KANSL1L: variants seen among roughly 807,000 people sequenced by gnomAD.
KANSL1L encodes the protein KAT8 regulatory NSL complex subunit 1-like protein.
In KANSL1L, 25 loss-of-function variants were observed where a neutral mutation model predicts 108.6. The observed-to-expected ratio is 0.23, with a 90% CI of 0.17 to 0.32. KANSL1L has a LOEUF of 0.32. Among genes scored for constraint, KANSL1L ranks in the 10% least tolerant of loss-of-function variants. The pLI, the probability that KANSL1L is intolerant of heterozygous loss-of-function variation, is 1.00. For missense variants in KANSL1L, 1,137 were observed against 1,125.7 expected, an observed-to-expected ratio of 1.01 and a Z score of -0.14; for synonymous variants, 405 against 395.1, an observed-to-expected ratio of 1.03 and a Z score of -0.30.
chr2:210,079,658 ATATATATGTATG>A (rs1473714445), intron 5 of KANSL1L: 3 of 13,482 alleles, frequency 2.2e-4, no homozygotes, highest in African/African-American at 3.4e-4. Flanking sequence ...ATATATATAT[ATATATATGTATG>A]TGTGTATATA....
chr2:210,106,741 C>G (rs557364345), intron 3 of KANSL1L, among the ~76,000 whole-genome samples: 3 of 150,284 alleles, frequency 2.0e-5, no homozygotes, highest in Non-Finnish European at 4.4e-5. Flanking sequence ...TGCACTCCAG[C>G]CTGGGTGACA....
intron 14 of KANSL1L, 30 bp downstream of exon 14, chr2:210,024,003 G>C: frequency 7.0e-7 from 1 of 1,437,940 alleles, no homozygotes; most frequent in East Asian, 2.5e-5. Context: ...GTCAAGGAAT[G>C]GGAAGTTTAA....
At chr2:210,082,823 AG>A (rs1183259029) in intron 5 of KANSL1L, among the ~76,000 whole-genome samples, 1 of 152,230 alleles carries the variant, frequency 6.6e-6, no homozygotes, top group African/African-American at 2.4e-5. Flanking sequence ...GAAGAAAATT[AG>A]AATGTGCATT....
At chr2:210,079,644 A>ATATATATATGTG (rs1559539636) in intron 5 of KANSL1L, among the ~76,000 whole-genome samples, 1 of 8,976 alleles carries the variant, frequency 1.1e-4, no homozygotes, top group Non-Finnish European at 3.3e-4. Flanking sequence ...ATATATATAT[A>ATATATATATGTG]TATATATATA....
intron 6 of KANSL1L, among the ~76,000 whole-genome samples, chr2:210,054,738 A>C (rs1199253889): frequency 3.3e-5 from 5 of 152,008 alleles, no homozygotes; most frequent in Non-Finnish European, 7.4e-5. Context: ...AGAAAAAGAA[A>C]TAAAAAGGGA....
At chr2:210,102,576 G>T (rs1218030701) in intron 4 of KANSL1L, among the ~76,000 whole-genome samples, 1 of 152,042 alleles carries the variant, frequency 6.6e-6, no homozygotes, top group African/African-American at 2.4e-5. Context: ...ATCTGACAAA[G>T]GGCTAATATC....
intron 1 of KANSL1L, chr2:210,170,360 CA>C: frequency 7.1e-6 from 7 of 985,338 alleles, no homozygotes; most frequent in Non-Finnish European, 8.4e-6. Context: ...AAAAAACAAA[CA>C]AAAACGGACT....
At chr2:210,035,258 C>G (rs1242086990) in intron 8 of KANSL1L, 1 of 152,106 alleles carries the variant, frequency 6.6e-6, no homozygotes, top group African/African-American at 2.4e-5. Context: ...AGTATAAACC[C>G]TTAAATTGGT....
chr2:210,097,408 T>C, intron 5 of KANSL1L: 2 of 685,566 alleles, frequency 2.9e-6, no homozygotes, highest in Non-Finnish European at 3.6e-6. Flanking sequence ...AACATTCCAA[T>C]TTTATCTGAA....
At chr2:210,030,261 C>T (rs2093996676) in intron 9 of KANSL1L, among the ~76,000 whole-genome samples, 1 of 151,928 alleles carries the variant, frequency 6.6e-6, no homozygotes, top group South Asian at 2.1e-4. Context: ...TCTCATTTTT[C>T]ATATCTGACT....
At chr2:210,140,261 CA>C (rs1340761512) in intron 2 of KANSL1L, among the ~76,000 whole-genome samples, 8 of 152,148 alleles carry the variant, frequency 5.3e-5, no homozygotes, top group African/African-American at 1.4e-4. Flanking sequence ...TTGCCAACAT[CA>C]ATGTCGAGAA....
chr2:210,149,053 G>A (rs1277489451), intron 2 of KANSL1L, among the ~76,000 whole-genome samples: 1 of 151,836 alleles, frequency 6.6e-6, no homozygotes, highest in African/African-American at 2.4e-5. Context: ...TGGGGGGAGG[G>A]GGTCTATGAC....
intron 6 of KANSL1L, among the ~76,000 whole-genome samples, chr2:210,051,497 C>G (rs1183340013): frequency 6.6e-6 from 1 of 151,976 alleles, no homozygotes; most frequent in Non-Finnish European, 1.5e-5. Flanking sequence ...TTGGTTATTA[C>G]TAATGTGGAA....
intron 13 of KANSL1L, among the ~76,000 whole-genome samples, 189 bp from the exon 14 acceptor site, chr2:210,024,390 A>G (rs1428860198): frequency 6.6e-6 from 1 of 152,106 alleles, no homozygotes; most frequent in African/African-American, 2.4e-5. Context: ...GTACTTTATG[A>G]AATATTTTAC....
At chr2:210,027,972 G>GA (rs934601640) in intron 11 of KANSL1L, among the ~76,000 whole-genome samples, 2 of 152,210 alleles carry the variant, frequency 1.3e-5, no homozygotes, top group African/African-American at 4.8e-5. Context: ...AATGAAATTA[G>GA]AATAGAGATG....
chr2:210,031,589 CACAG>C (rs752268219), intron 8 of KANSL1L, 43 bp from the exon 9 acceptor site: 7 of 1,296,770 alleles, frequency 5.4e-6, no homozygotes, highest in South Asian at 3.0e-5. Context: ...AGTTCCTTAA[CACAG>C]ACAGTGAACA....
intron 2 of KANSL1L, 93 bp downstream of exon 2, chr2:210,153,402 A>T: frequency 2.0e-6 from 2 of 977,158 alleles, no homozygotes; most frequent in Non-Finnish European, 1.5e-6. Context: ...TTAAGATTTT[A>T]GAAAATCTAT....
intron 1 of KANSL1L, among the ~76,000 whole-genome samples, chr2:210,157,691 GAAAAAAA>G (rs56676129): frequency 8.5e-5 from 4 of 47,212 alleles, no homozygotes; most frequent in Non-Finnish European, 1.9e-4. Flanking sequence ...CACTGTCACA[GAAAAAAA>G]AAAAAAAAAA....
chr2:210,152,448 T>C (rs1217171582), intron 2 of KANSL1L: 1 of 152,212 alleles, frequency 6.6e-6, no homozygotes, highest in Non-Finnish European at 1.5e-5. Flanking sequence ...GAAGTTTCTA[T>C]TGGACAGAGT....
Sources: allele counts gnomAD v4.1 joint callset (sites outside exome capture counted in the v4.1 genomes callset), GRCh38; gene constraint gnomAD v4.1.1; transcripts MANE v1.5; gene names NCBI Gene and HGNC (gene_info 2026-07-23, HGNC 2026-07-21).